The following HNRNPUL2 variants were observed in gnomAD, a reference collection of about 807,000 sequenced individuals.
The protein encoded by HNRNPUL2 is heterogeneous nuclear ribonucleoprotein U like 2.
HNRNPUL2 carries 27 observed loss-of-function variants against 102.2 expected under a neutral mutation model. That is an observed-to-expected ratio of 0.26 (90% CI 0.19 to 0.36). The LOEUF is 0.36. Among genes scored for constraint, HNRNPUL2 ranks in the 10% least tolerant of loss-of-function variants. The pLI is 1.00. For synonymous variants in HNRNPUL2, 458 were observed against 387.2 expected, an observed-to-expected ratio of 1.18 and a Z score of -2.15; for missense variants, 936 against 981.1, an observed-to-expected ratio of 0.95 and a Z score of 0.61.
chr11:62,727,085 G>A lies in HNRNPUL2; in HGVS notation c.72C>T (p.Gly24=). ...GCCGCTGCGCCAGATCCACCTTGAG[G>A]CCGCGCGAGTCCAGGCCCCGCCGCT... ...ELQRRGLDSR[G]LKVDLAQRLQ... Residue 24 remains glycine, a synonymous_variant, in exon 1 of 14, where the codon GGC becomes GGT. Coordinates refer to ENST00000301785, the MANE Select transcript of HNRNPUL2 (RefSeq NM_001079559.3). 1 of 1,445,874 alleles carries A rather than the reference G, an allele frequency of 6.9e-7. No individual in the cohort carries two copies. Among genetic ancestry groups the A allele is most frequent in the Non-Finnish European group, 9.1e-7 (1 of 1,101,368 alleles). 89.6% of individuals were successfully genotyped at this position (1,445,874 alleles called of 1,614,324 possible).
In HNRNPUL2 at chr11:62,715,892, T is replaced by C. The variant is rs1479950730; in HGVS notation, c.2027A>G (p.Gln676Arg). 2 of 1,613,148 alleles carry C rather than the reference T, an allele frequency of 1.2e-6. No homozygotes were observed. Among genetic ancestry groups the C allele is most frequent in the East Asian group, 2.2e-5 (1 of 44,866 alleles). Residue 676 changes from glutamine to arginine, a missense_variant, in exon 12 of 14, where the codon CAG becomes CGG. Transcript: ENST00000301785. ...RGYDNRAYGQ[Q>R]YWGQPGNRGG... ...TCTGTTTCCAGGCTGCCCCCAGTAC[T>C]GCTGCCCGTAGGCCCGGTTGTCGTA...
At position 62,715,926 on chromosome 11, in the gene HNRNPUL2, G is replaced by A. The variant is rs1476751256; in HGVS notation, c.1993C>T (p.Arg665Cys). 13 of 1,604,458 alleles carry A rather than the reference G, an allele frequency of 8.1e-6. No individual in the cohort carries two copies. The highest frequency in any genetic ancestry group is 2.2e-5 in the East Asian group (1 of 44,670). Reference protein sequence around the residue: ...SRGQGYVGGQRRGYDNRAYGQ... With the variant: ...SRGQGYVGGQCRGYDNRAYGQ... The stretch of plus-strand genomic sequence containing the variant: ...TAGGCCCGGTTGTCGTAGCCTCGGC[G>A]CTGCCCGCCCACTGGAAGAGAAATG... The change falls in exon 12 of 14, where the codon CGC (arginine) becomes TGC (cysteine). Residue 665 changes from arginine (R) to cysteine (C), a missense_variant. Physicochemically the swap from Arg to Cys is radical, Grantham distance 180. Around this residue, in one of 2 missense-constraint regions of HNRNPUL2, gnomAD observed 609 missense variants for 713.0 expected, o/e 0.85. Coordinates refer to ENST00000301785, the MANE Select transcript of HNRNPUL2 (RefSeq NM_001079559.3).
Position 62,715,230 on chromosome 11 carries a change from G to T in HNRNPUL2, c.*69C>A. The T allele has an allele frequency of 8.1e-7, 1 of 1,240,202 alleles. No homozygotes were observed. Among genetic ancestry groups the T allele is most frequent in the Non-Finnish European group, 1.1e-6 (1 of 879,656 alleles). The allele number at this position is 1,240,202 out of a possible 1,614,324, so 76.8% of individuals were successfully genotyped here. A position where few individuals can be genotyped will look rare whatever the true frequency, so the allele number is the denominator to read the frequency against. On this transcript the variant is annotated 3_prime_UTR_variant, in exon 14 of 14. Coordinates refer to ENST00000301785, the MANE Select transcript of HNRNPUL2 (RefSeq NM_001079559.3). ...GACAGCCCCTGTTTTCCTTGGTTGT[G>T]TTTTGCGGGGGTGCCTGGCACCCCC...
At chr11:62,719,939 G>A (rs959587468) in intron 10 of HNRNPUL2, 84 bp downstream of exon 10, 12 of 1,282,766 alleles carry the variant, frequency 9.4e-6, no homozygotes, top group Admixed American at 1.8e-5. Flanking sequence ...CCTCCAGAAT[G>A]AGGGAAATAA....
chr11:62,726,569 C>G (rs1482324446), intron 1 of HNRNPUL2, 50 bp downstream of exon 1: 8 of 1,472,036 alleles, frequency 5.4e-6, no homozygotes, highest in Non-Finnish European at 7.2e-6. Flanking sequence ...GGTGCTAGAT[C>G]AGGGGCGCAG....
At position 62,721,421 on chromosome 11, in the gene HNRNPUL2, C is replaced by T; in HGVS notation, c.1485G>A (p.Met495Ile). The change falls in exon 9 of 14, where the codon ATG becomes ATA. Residue 495 changes from methionine (M) to isoleucine (I), a missense_variant and splice_region_variant. Coordinates refer to ENST00000301785, the MANE Select transcript of HNRNPUL2 (RefSeq NM_001079559.3). Reference sequence around the variant, plus strand: ...CCATCTCTGGCTCCTCGAGACCCTTCATCTGATTAGTTTGAGAGGAAGTGA... The same window carrying T: ...CCATCTCTGGCTCCTCGAGACCCTTTATCTGATTAGTTTGAGAGGAAGTGA... ...GAETVLNQMR[M>I]KGLEEPEMDP... is the part of the protein sequence containing the mutation. 1 of 1,568,228 alleles carries T rather than the reference C, an allele frequency of 6.4e-7. No homozygotes were observed. The highest frequency in any genetic ancestry group is 8.6e-7 in the Non-Finnish European group (1 of 1,165,136).
At chr11:62,724,193 A>C in intron 2 of HNRNPUL2, 98 bp downstream of exon 2, 1 of 1,499,506 alleles carries the variant, frequency 6.7e-7, no homozygotes. Context: ...AACCTATTCC[A>C]TTTTGAATCC....
Position 62,727,257 on chromosome 11 carries a change from A to ACGCGCCAGCACTGAGCC in HNRNPUL2, c.-118_-102dup. 8.6e-7 allele frequency: 1 copy of ACGCGCCAGCACTGAGCC among 1,163,632 alleles called. No individual in the cohort carries two copies. Among genetic ancestry groups the ACGCGCCAGCACTGAGCC allele is most frequent in the African/African-American group, 1.6e-5 (1 of 61,612 alleles). 72.1% of individuals were successfully genotyped at this position (1,163,632 alleles called of 1,614,324 possible). A position where few individuals can be genotyped will look rare whatever the true frequency, so the allele number is the denominator to read the frequency against. On this transcript the variant is annotated 5_prime_UTR_variant, in exon 1 of 14. Coordinates refer to ENST00000301785, the MANE Select transcript of HNRNPUL2 (RefSeq NM_001079559.3). Reference sequence around the variant, plus strand: ...CGCCGCCGCCGCCCGCCTCCGCCTCACGCGCCAGCACTGAGCCCGCGCGAG... The same window carrying ACGCGCCAGCACTGAGCC: ...CGCCGCCGCCGCCCGCCTCCGCCTCACGCGCCAGCACTGAGCCCGCGCCAGCACTGAGCCCGCGCGAG...
chr11:62,723,452 C>G (rs1280571948), intron 4 of HNRNPUL2, 135 bp downstream of exon 4: 7 of 906,884 alleles, frequency 7.7e-6, no homozygotes, highest in African/African-American at 1.7e-5. Context: ...GATGGTGCCA[C>G]TGGACTCCAG....
At chr11:62,724,671 T>G (rs1438836829) in intron 1 of HNRNPUL2, among the ~76,000 whole-genome samples, 2 of 152,130 alleles carry the variant, frequency 1.3e-5, no homozygotes, top group African/African-American at 4.8e-5. Flanking sequence ...AATTGGACAA[T>G]TTTTGCATTC....
In HNRNPUL2 at chr11:62,717,146, C is replaced by A; in HGVS notation, c.1824G>T (p.Val608=). 1 of 1,614,094 alleles carries A rather than the reference C, an allele frequency of 6.2e-7. No individual in the cohort carries two copies. Among genetic ancestry groups the A allele is most frequent in the South Asian group, 1.1e-5 (1 of 91,074 alleles). ...LPEKCDYMDE[V]TYGELEKEEA... ...CCTCCTTCTCCAGCTCCCCATATGT[C>A]ACCTCATCCATATAGTCGCATTTTT... The change falls in exon 11 of 14, where the codon GTG becomes GTT. Residue 608 remains valine (V), a synonymous_variant. Coordinates refer to ENST00000301785, the MANE Select transcript of HNRNPUL2 (RefSeq NM_001079559.3).
rs1374176956 is a variant in HNRNPUL2 at position 62,726,763 on chromosome 11, C to A, written c.394G>T (p.Ala132Ser). The A allele has an allele frequency of 6.2e-7, 1 of 1,600,972 alleles. No homozygotes were observed. The change falls in exon 1 of 14, where the codon GCG becomes TCG. Residue 132 changes from alanine to serine, a missense_variant. Ala to Ser is a moderately conservative substitution (Grantham distance 99). Around this residue, in one of 2 missense-constraint regions of HNRNPUL2, gnomAD observed 327 missense variants for 268.1 expected, o/e 1.22. Coordinates refer to ENST00000301785, the MANE Select transcript of HNRNPUL2 (RefSeq NM_001079559.3). The stretch of plus-strand genomic sequence containing the variant: ...CCGCCTGACCCGGCCGTGGCCTCCG[C>A]CGGCTTCTCGGAAGCATCTGGCTCG... ...AAEPDASEKP[A>S]EATAGSGGVN...
Position 62,726,719 on chromosome 11 carries a change from C to CA in HNRNPUL2, c.437_438insT (p.Glu146AspfsTer28). 6.2e-7 allele frequency: 1 copy of CA among 1,600,962 alleles called. No individual in the cohort carries two copies. The highest frequency in any genetic ancestry group is 8.5e-7 in the Non-Finnish European group (1 of 1,179,652). On this transcript the variant is annotated frameshift_variant, in exon 1 of 14. Coordinates refer to ENST00000301785, the MANE Select transcript of HNRNPUL2 (RefSeq NM_001079559.3). LOFTEE classifies it high-confidence loss of function. ...CTTCCTCCCTCTTGCCGAGGCCCTGCTCTTCGCCACCATTTACCCCGCCTG... is the reference window on the plus strand; with the variant it reads ...CTTCCTCCCTCTTGCCGAGGCCCTGCATCTTCGCCACCATTTACCCCGCCTG...
At chr11:62,716,288 G>A (rs1157956328) in intron 11 of HNRNPUL2, among the ~76,000 whole-genome samples, 7 of 152,128 alleles carry the variant, frequency 4.6e-5, no homozygotes, top group Admixed American at 2.6e-4. Context: ...TTCAGATATC[G>A]TATAACCCAT....
rs2134782991 is a variant in HNRNPUL2 at position 62,725,322 on chromosome 11, C to G, written c.539-896G>C. On this transcript the variant is annotated intron_variant, in intron 1 of 13. Coordinates refer to ENST00000301785, the MANE Select transcript of HNRNPUL2 (RefSeq NM_001079559.3). ...AAGCCATTCTCCCGCCTCAGCCTCC[C>G]AAGAAGCTGGGATTACCGGCACCCG... Among the ~76,000 whole-genome samples the G allele has an allele frequency of 2.6e-5, 4 of 152,292 alleles. 1 individual carries two copies. Among genetic ancestry groups the G allele is most frequent in the Middle Eastern group, 6.8e-3 (2 of 294 alleles).
intron 1 of HNRNPUL2, among the ~76,000 whole-genome samples, chr11:62,725,201 A>C (rs1433586552): frequency 6.6e-6 from 1 of 152,084 alleles, no homozygotes; most frequent in African/African-American, 2.4e-5. Context: ...TTTATCCTTC[A>C]ATATATATTT....
Position 62,715,082 on chromosome 11 carries a change from C to A in HNRNPUL2, c.*217G>T, listed in dbSNP as rs1463737208. ...ATGTTTTATAGAATAAGACAATATTCTTTTCAACAAACTTTAAAAAAAATG... is the reference window on the plus strand; with the variant it reads ...ATGTTTTATAGAATAAGACAATATTATTTTCAACAAACTTTAAAAAAAATG... On this transcript the variant is annotated 3_prime_UTR_variant, in exon 14 of 14. Transcript: ENST00000301785. 3.6e-6 allele frequency: 2 copies of A among 555,768 alleles called. No homozygotes were observed. Among genetic ancestry groups the A allele is most frequent in the South Asian group, 4.7e-5 (2 of 42,334 alleles). The allele number at this position is 555,768 out of a possible 1,614,324, so 34.4% of individuals were successfully genotyped here.
At chr11:62,717,237 G>A in intron 10 of HNRNPUL2, 48 bp from the exon 11 acceptor site, 1 of 1,390,922 alleles carries the variant, frequency 7.2e-7, no homozygotes, top group Non-Finnish European at 1.0e-6. Context: ...TGCATAGATG[G>A]GTAAGAACTC....
At chr11:62,716,799 G>A (rs2083663569) in intron 11 of HNRNPUL2, among the ~76,000 whole-genome samples, 190 bp downstream of exon 11, 1 of 152,154 alleles carries the variant, frequency 6.6e-6, no homozygotes, top group Non-Finnish European at 1.5e-5. Flanking sequence ...TGTTGTTGTT[G>A]AAGAATTATG....
Sources: allele counts gnomAD v4.1 joint callset (sites outside exome capture counted in the v4.1 genomes callset), GRCh38; gene constraint gnomAD v4.1.1; regional missense constraint gnomAD v4.1.1; transcripts MANE v1.5; gene names NCBI Gene and HGNC (gene_info 2026-07-23, HGNC 2026-07-21).